The following DOCK2 variants were observed in gnomAD, a reference collection of about 807,000 sequenced individuals.
DOCK2 encodes the protein dedicator of cytokinesis 2.
DOCK2 carries 87 observed loss-of-function variants against 248.9 expected under a neutral mutation model. The ratio of observed to expected loss-of-function variants is 0.35; its 90% CI spans 0.29 to 0.42. The LOEUF (loss-of-function observed/expected upper bound fraction) is 0.42, where lower values mean the gene tolerates loss of function less well. Ranked by LOEUF, DOCK2 falls within the 10% of genes least tolerant of loss-of-function variation. The pLI, the probability that DOCK2 is intolerant of heterozygous loss-of-function variation, is 1.00. For missense variants in DOCK2, 1,747 were observed against 2,300.2 expected, an observed-to-expected ratio of 0.76 and a Z score of 4.92; for synonymous variants, 805 against 821.6, an observed-to-expected ratio of 0.98 and a Z score of 0.35.
intron 27 of DOCK2, among the ~76,000 whole-genome samples, chr5:169,870,983 G>A (rs973371470): frequency 6.6e-6 from 1 of 152,292 alleles, no homozygotes; most frequent in African/African-American, 2.4e-5. Flanking sequence ...TGGGTGTCTG[G>A]TAAGGGCCCT....
At chr5:169,827,227 G>A (rs1342185442) in intron 26 of DOCK2, among the ~76,000 whole-genome samples, 5 of 151,994 alleles carry the variant, frequency 3.3e-5, no homozygotes, top group Non-Finnish European at 7.4e-5. Context: ...GCTTCTTGAG[G>A]TATTGGACTA....
intron 33 of DOCK2, 82 bp from the exon 34 acceptor site, chr5:170,027,781 C>A: frequency 7.4e-7 from 1 of 1,343,872 alleles, no homozygotes. Flanking sequence ...CTCCCTAAAG[C>A]TTTGGTTGAA....
intron 17 of DOCK2, among the ~76,000 whole-genome samples, chr5:169,713,560 T>A (rs1224036799): frequency 6.6e-6 from 1 of 151,148 alleles, no homozygotes; most frequent in Non-Finnish European, 1.5e-5. Context: ...AAAAAAAAAA[T>A]GAGACACAAA....
At chr5:169,659,186 A>G (rs865920875) in intron 2 of DOCK2, among the ~76,000 whole-genome samples, 2 of 151,950 alleles carry the variant, frequency 1.3e-5, no homozygotes, top group South Asian at 4.1e-4. Flanking sequence ...ACCACCCCCA[A>G]TAAAGAAGTG....
intron 29 of DOCK2, among the ~76,000 whole-genome samples, chr5:169,994,682 G>A (rs1778291988): frequency 6.6e-6 from 1 of 152,184 alleles, no homozygotes; most frequent in Non-Finnish European, 1.5e-5. Context: ...AAAGAACATA[G>A]AGAGGGATTT....
At chr5:169,932,597 A>C (rs963108218) in intron 27 of DOCK2, among the ~76,000 whole-genome samples, 3 of 152,142 alleles carry the variant, frequency 2.0e-5, no homozygotes, top group African/African-American at 7.2e-5. Flanking sequence ...ACTGACCACA[A>C]GGTGAGGGCC....
intron 49 of DOCK2, chr5:170,079,544 C>T (rs1390305774): frequency 1.0e-5 from 2 of 192,666 alleles, no homozygotes; most frequent in East Asian, 1.2e-4. Flanking sequence ...GTCTCAGACC[C>T]CTGCAAGCCC....
intron 42 of DOCK2, 43 bp from the exon 43 acceptor site, chr5:170,056,641 C>G (rs115664453): frequency 6.4e-7 from 1 of 1,574,388 alleles, no homozygotes; most frequent in South Asian, 1.1e-5. Flanking sequence ...TGTCAGCAGC[C>G]GGGGATGGCT....
intron 27 of DOCK2, among the ~76,000 whole-genome samples, chr5:169,864,082 G>C (rs747249754): frequency 6.6e-6 from 1 of 152,178 alleles, no homozygotes; most frequent in Non-Finnish European, 1.5e-5. Flanking sequence ...GCAGTCGCAC[G>C]CACTCAGGTA....
intron 22 of DOCK2, among the ~76,000 whole-genome samples, chr5:169,722,263 G>T (rs909837221): frequency 7.9e-5 from 12 of 152,174 alleles, no homozygotes; most frequent in African/African-American, 2.9e-4. Context: ...TGAGCTTGTG[G>T]AATTACACAA....
intron 27 of DOCK2, among the ~76,000 whole-genome samples, chr5:169,935,820 C>G (rs13153416): frequency 6.6e-6 from 1 of 152,098 alleles, no homozygotes; most frequent in Non-Finnish European, 1.5e-5. Flanking sequence ...TCTGGTAGAA[C>G]GAGACATTAT....
At chr5:169,777,995 C>T (rs1208690565) in intron 25 of DOCK2, among the ~76,000 whole-genome samples, 1 of 152,164 alleles carries the variant, frequency 6.6e-6, no homozygotes. Flanking sequence ...TGAGGGGATA[C>T]GTGAGCACAC....
intron 25 of DOCK2, among the ~76,000 whole-genome samples, chr5:169,802,377 G>A (rs993610691): frequency 6.6e-6 from 1 of 152,184 alleles, no homozygotes; most frequent in Non-Finnish European, 1.5e-5. Flanking sequence ...GGCCATGCTG[G>A]TAAATGAAAG....
rs144777550 is a variant in DOCK2, at chr5:169,764,282, G to A, written c.2554+2657G>A. ...TTGAACATTTGTATTGACATTAAGC[G>A]GAGGGACCAGAAGGCTTTTAAGCAC... On this transcript the variant is annotated intron_variant, in intron 25 of 51. Transcript: ENST00000520908. The surrounding 1 kb of genome is among the most constrained non-coding windows in gnomAD (Gnocchi z 4.3). 2.6e-5 allele frequency among the ~76,000 whole-genome samples: 4 copies of A among 152,238 alleles called. No homozygotes were observed. Among genetic ancestry groups the A allele is most frequent in the Admixed American group, 1.3e-4 (2 of 15,300 alleles).
At position 169,700,943 on chromosome 5, in the gene DOCK2, G is replaced by GAGAAAGAA. The variant is rs34443091; in HGVS notation, c.1258+820_1258+827dup. Among the ~76,000 whole-genome samples, 1,447 of 150,376 alleles carry GAGAAAGAA rather than the reference G, an allele frequency of 9.6e-3. 26 individuals are homozygous for GAGAAAGAA. The highest frequency in any genetic ancestry group is 0.03 in the African/African-American group (1,240 of 40,968). ...AAAGAAAAGACAAGAAAAAGAAGGA[G>GAGAAAGAA]AGAAAGAAAGAAAGAAAGAAAGAGA... On this transcript the variant is annotated intron_variant, in intron 13 of 51. Transcript: ENST00000520908.
intron 12 of DOCK2, among the ~76,000 whole-genome samples, chr5:169,699,698 C>G (rs1257869406): frequency 6.6e-6 from 1 of 152,220 alleles, no homozygotes; most frequent in Non-Finnish European, 1.5e-5. Context: ...CTCCGGTGTT[C>G]CGGGGGCACT....
chr5:170,077,884 G>A, intron 48 of DOCK2, 47 bp downstream of exon 48: 1 of 1,537,040 alleles, frequency 6.5e-7, no homozygotes, highest in Non-Finnish European at 8.9e-7. Flanking sequence ...TGCCTCCCTG[G>A]CTCTATCCCC....
chr5:169,800,645 C>A (rs1387945218), intron 25 of DOCK2, among the ~76,000 whole-genome samples: 3 of 152,184 alleles, frequency 2.0e-5, no homozygotes, highest in African/African-American at 4.8e-5. Context: ...GAGAGGGCTT[C>A]TGAAGCATTC....
chr5:169,951,566 A>G (rs766159761), intron 27 of DOCK2, among the ~76,000 whole-genome samples: 6 of 152,232 alleles, frequency 3.9e-5, no homozygotes, highest in Non-Finnish European at 7.3e-5. Context: ...TCACACCCTG[A>G]TCAGACCAGT....
Sources: gnomAD v4.1 joint callset for allele counts (sites outside exome capture counted in the v4.1 genomes callset) on GRCh38, gnomAD v4.1.1 for gene constraint, Gnocchi (gnomAD v3.1) non-coding constraint, MANE v1.5 for transcripts, NCBI Gene and HGNC (gene_info 2026-07-23, HGNC 2026-07-21) for gene names.